The following GNB4 variants were observed in gnomAD, a reference collection of about 807,000 sequenced individuals.
GNB4 encodes guanine nucleotide-binding protein subunit beta-4.
In GNB4, 28 loss-of-function variants were observed where a neutral mutation model predicts 45.2. The ratio of observed to expected loss-of-function variants is 0.62; its 90% CI spans 0.46 to 0.85. The LOEUF is 0.85. Ranked by LOEUF, GNB4 falls within the 40% of genes least tolerant of loss-of-function variation. The pLI, the probability that GNB4 is intolerant of heterozygous loss-of-function variation, is 0.00. For synonymous variants in GNB4, 132 were observed against 143.7 expected (o/e 0.92, Z 0.58); for missense variants, 321 against 425.4 (o/e 0.75, Z 2.16).
At chr3:179,505,657 A>G in the GNB4 span, among the ~76,000 whole-genome samples, 1 of 152,226 alleles carries the variant, frequency 6.6e-6, no homozygotes, top group East Asian at 1.9e-4. Context: ...ACCCACTGAC[A>G]TGACAACTTG....
chr3:179,434,732 AAAAG>A (rs752518935), intron 1 of GNB4, among the ~76,000 whole-genome samples: 74 of 151,508 alleles, frequency 4.9e-4, no homozygotes, highest in Admixed American at 3.0e-3. Context: ...TTAAAAAAAA[AAAAG>A]AAAGAAGAAA....
chr3:179,426,035 C>A, intron 2 of GNB4, 109 bp downstream of exon 2: 1 of 805,642 alleles, frequency 1.2e-6, no homozygotes, highest in Non-Finnish European at 2.0e-6. Context: ...AAAAAAAGAC[C>A]ATTTCTAGCC....
the GNB4 span, among the ~76,000 whole-genome samples, chr3:179,468,089 C>A: frequency 7.4e-6 from 1 of 135,470 alleles, no homozygotes; most frequent in Non-Finnish European, 1.6e-5. Flanking sequence ...TCCCAGCTAC[C>A]CGGGAGGCTG....
chr3:179,449,498 A>G (rs2108624938), intron 1 of GNB4, among the ~76,000 whole-genome samples: 1 of 152,350 alleles, frequency 6.6e-6, no homozygotes, highest in South Asian at 2.1e-4. Flanking sequence ...AACTAAGTTA[A>G]TATGGCTCAG....
the GNB4 span, among the ~76,000 whole-genome samples, chr3:179,514,755 CCCT>C: frequency 6.6e-6 from 1 of 152,178 alleles, no homozygotes; most frequent in Non-Finnish European, 1.5e-5. Context: ...CAGAAACCAA[CCCT>C]GCCAGCACCT....
the GNB4 span, among the ~76,000 whole-genome samples, chr3:179,479,326 C>T: frequency 6.6e-6 from 1 of 152,172 alleles, no homozygotes. Flanking sequence ...AAATAATCTT[C>T]TCCCAACATG....
the GNB4 span, among the ~76,000 whole-genome samples, chr3:179,483,320 T>G: frequency 6.6e-6 from 1 of 151,922 alleles, no homozygotes; most frequent in African/African-American, 2.4e-5. Context: ...TTAAAAATCA[T>G]AGTGAACTTA....
At chr3:179,441,036 G>A (rs1170256945) in intron 1 of GNB4, among the ~76,000 whole-genome samples, 1 of 152,142 alleles carries the variant, frequency 6.6e-6, no homozygotes, top group African/African-American at 2.4e-5. Context: ...TAAGAAATGA[G>A]TATTATTTTG....
At chr3:179,460,526 T>C in the GNB4 span, among the ~76,000 whole-genome samples, 6 of 152,238 alleles carry the variant, frequency 3.9e-5, no homozygotes, top group African/African-American at 1.2e-4. Flanking sequence ...TGTCATCTTA[T>C]GAATAAGTGT....
At chr3:179,430,327 G>A (rs1429022345) in intron 1 of GNB4, among the ~76,000 whole-genome samples, 3 of 152,044 alleles carry the variant, frequency 2.0e-5, no homozygotes, top group Non-Finnish European at 4.4e-5. Flanking sequence ...GGGCTCAAGC[G>A]ATCCCCCCCA....
chr3:179,438,091 A>G (rs942050615), intron 1 of GNB4, among the ~76,000 whole-genome samples: 5 of 152,092 alleles, frequency 3.3e-5, no homozygotes, highest in South Asian at 2.1e-4. Flanking sequence ...GAAAAAGAAA[A>G]GGCAGGATTA....
chr3:179,515,742 G>C, the GNB4 span, among the ~76,000 whole-genome samples: 1 of 152,118 alleles, frequency 6.6e-6, no homozygotes, highest in Non-Finnish European at 1.5e-5. Context: ...TAGTGTTGAA[G>C]TGTTGGGGCA....
At chr3:179,494,222 T>C in the GNB4 span, among the ~76,000 whole-genome samples, 3 of 151,060 alleles carry the variant, frequency 2.0e-5, no homozygotes, top group Non-Finnish European at 4.4e-5. Context: ...ATAAATCACT[T>C]CTTCTGCTGT....
the GNB4 span, among the ~76,000 whole-genome samples, chr3:179,476,531 TA>T: frequency 6.6e-6 from 1 of 152,214 alleles, no homozygotes; most frequent in Non-Finnish European, 1.5e-5. Context: ...GGAATTGCTC[TA>T]GGGGGGACCC....
At chr3:179,422,185 C>G (rs6803314) in intron 2 of GNB4, among the ~76,000 whole-genome samples, 106,790 of 152,002 alleles carry the variant, frequency 0.7, 37,861 homozygotes, top group African/African-American at 0.78. Flanking sequence ...TTGAACTACG[C>G]TGAAAATTGG....
chr3:179,523,162 G>A, the GNB4 span, among the ~76,000 whole-genome samples: 1 of 152,188 alleles, frequency 6.6e-6, no homozygotes, highest in Non-Finnish European at 1.5e-5. Context: ...TGGGGCTTGG[G>A]AGATTAGCCG....
intron 8 of GNB4, among the ~76,000 whole-genome samples, chr3:179,412,281 A>G (rs1714673582): frequency 6.6e-6 from 1 of 150,924 alleles, no homozygotes; most frequent in African/African-American, 2.4e-5. Context: ...AGCCTGGGCA[A>G]CATAGTGAGA....
rs1445269794 is a variant in GNB4, at chr3:179,399,844, A to G, written c.*1369T>C. 1.3e-5 allele frequency: 2 copies of G among 152,200 alleles called. No individual in the cohort carries two copies. The highest frequency in any genetic ancestry group is 2.4e-5 in the African/African-American group (1 of 41,444). 9.4% of individuals were successfully genotyped at this position (152,200 alleles called of 1,614,324 possible). On this transcript the variant is annotated 3_prime_UTR_variant, in exon 10 of 10. Coordinates refer to ENST00000232564, the MANE Select transcript of GNB4 (RefSeq NM_021629.4). ...ACTTTACCATCAAGCAAGACTAACAATCTTCTATTATCAGTCATTTAGACT... is the reference window on the plus strand; with the variant it reads ...ACTTTACCATCAAGCAAGACTAACAGTCTTCTATTATCAGTCATTTAGACT...
chr3:179,463,968 G>C, the GNB4 span, among the ~76,000 whole-genome samples: 1 of 152,218 alleles, frequency 6.6e-6, no homozygotes, highest in East Asian at 1.9e-4. Flanking sequence ...TAAAGGAATA[G>C]ATCTTAAATA....
Sources: gnomAD v4.1 joint callset for allele counts (sites outside exome capture counted in the v4.1 genomes callset) on GRCh38, gnomAD v4.1.1 for gene constraint, MANE v1.5 for transcripts, NCBI Gene and HGNC (gene_info 2026-07-23, HGNC 2026-07-21) for gene names.